STRN3: variants seen among roughly 807,000 people sequenced by gnomAD.
STRN3 encodes striatin 3, also known as striatin-3.
STRN3 carries 29 observed loss-of-function variants against 95.6 expected under a neutral mutation model. The ratio of observed to expected loss-of-function variants is 0.30; its 90% CI spans 0.23 to 0.41. The LOEUF (loss-of-function observed/expected upper bound fraction) is 0.41, where lower values mean the gene tolerates loss of function less well. Among genes scored for constraint, STRN3 ranks in the 10% least tolerant of loss-of-function variants. The pLI, the probability that STRN3 is intolerant of heterozygous loss-of-function variation, is 1.00. For synonymous variants in STRN3, 331 were observed against 357.6 expected (o/e 0.93, Z 0.84); for missense variants, 890 against 972.1 (o/e 0.92, Z 1.12).
At chr14:30,985,395 G>A (rs1594541550) in intron 1 of STRN3, among the ~76,000 whole-genome samples, 1 of 152,158 alleles carries the variant, frequency 6.6e-6, no homozygotes, top group East Asian at 1.9e-4. Flanking sequence ...CCTGAGGTCG[G>A]GAGTTCGAGA....
intron 8 of STRN3, among the ~76,000 whole-genome samples, chr14:30,928,324 C>A (rs1379185608): frequency 6.6e-6 from 1 of 152,140 alleles, no homozygotes; most frequent in Non-Finnish European, 1.5e-5. Flanking sequence ...CAAAGAAACA[C>A]AAAAGAATGT....
At chr14:30,916,277 T>C (rs1325632286) in intron 9 of STRN3, among the ~76,000 whole-genome samples, 2 of 146,222 alleles carry the variant, frequency 1.4e-5, no homozygotes, top group Non-Finnish European at 1.5e-5. Context: ...ACAAGTAGTT[T>C]TTTTGGTTTT....
chr14:30,947,036 A>C (rs1879397231), intron 5 of STRN3, 54 bp downstream of exon 5: 1 of 1,338,752 alleles, frequency 7.5e-7, no homozygotes, highest in East Asian at 2.7e-5. Flanking sequence ...AGAGATTAAC[A>C]ATAACAATAT....
In STRN3 at chr14:30,907,007, T is replaced by C. The variant is rs755837561; in HGVS notation, c.1758A>G (p.Thr586=). The part of the protein sequence containing the change: ...NVLAGTLVGH[T]DAVWGLAYSG... Reference sequence around the variant, plus strand: ...TATAAGCAAGACCCCAAACTGCATCTGTATGACCAACTAAAGTGCCAGCTA... The same window carrying C: ...TATAAGCAAGACCCCAAACTGCATCCGTATGACCAACTAAAGTGCCAGCTA... Residue 586 remains threonine (T), a synonymous_variant, in exon 14 of 18, where the codon ACA becomes ACG. Transcript: ENST00000357479. 12 of 1,613,628 alleles carry C rather than the reference T, an allele frequency of 7.4e-6. No individual in the cohort carries two copies. In the Admixed American group the frequency reaches 2.0e-4, roughly 27 times the overall value.
At chr14:30,928,761 C>G (rs1185956420) in intron 8 of STRN3, among the ~76,000 whole-genome samples, 2 of 152,202 alleles carry the variant, frequency 1.3e-5, no homozygotes, top group East Asian at 3.9e-4. Flanking sequence ...GACCAGAAAG[C>G]AGAAACTACA....
At chr14:30,995,984 C>T (rs1356990940) in intron 1 of STRN3, among the ~76,000 whole-genome samples, 8 of 152,184 alleles carry the variant, frequency 5.3e-5, no homozygotes, top group African/African-American at 1.4e-4. Context: ...CTAGCCCTTA[C>T]GCCCAACTTA....
intron 9 of STRN3, among the ~76,000 whole-genome samples, chr14:30,916,243 T>A (rs2139004066): frequency 6.6e-6 from 1 of 151,990 alleles, no homozygotes; most frequent in East Asian, 1.9e-4. Context: ...CATTAGTAAT[T>A]CAAAGAAAAA....
At chr14:30,913,361 A>G (rs1329730240) in intron 10 of STRN3, among the ~76,000 whole-genome samples, 163 bp downstream of exon 10, 1 of 152,198 alleles carries the variant, frequency 6.6e-6, no homozygotes, top group Non-Finnish European at 1.5e-5. Context: ...AATACCACAA[A>G]GAGAGTAGTT....
intron 1 of STRN3, among the ~76,000 whole-genome samples, chr14:30,970,220 TA>T (rs1880756278): frequency 6.6e-6 from 1 of 152,174 alleles, no homozygotes; most frequent in Non-Finnish European, 1.5e-5. Flanking sequence ...TTCAGAAAAG[TA>T]CCTTGTCCCT....
At chr14:30,925,178 G>T (rs903708257) in intron 8 of STRN3, among the ~76,000 whole-genome samples, 1 of 146,866 alleles carries the variant, frequency 6.8e-6, no homozygotes, top group Non-Finnish European at 1.5e-5. Context: ...GTGGGTCTAC[G>T]TTCCAAGACA....
intron 13 of STRN3, among the ~76,000 whole-genome samples, chr14:30,909,410 GT>G (rs1896552279): frequency 1.4e-5 from 1 of 70,010 alleles, no homozygotes; most frequent in Non-Finnish European, 3.2e-5. Flanking sequence ...GGAGGCGGAG[GT>G]TGCAGTAAGC....
At chr14:31,018,695 G>C in intron 1 of STRN3, 1 of 457,272 alleles carries the variant, frequency 2.2e-6, no homozygotes, top group South Asian at 1.7e-5. Context: ...AATTGAGCTT[G>C]TTGATAAACT....
At chr14:30,944,506 G>A (rs1879248766) in intron 5 of STRN3, among the ~76,000 whole-genome samples, 2 of 140,242 alleles carry the variant, frequency 1.4e-5, no homozygotes. Flanking sequence ...ATATATACAT[G>A]TATATATACA....
chr14:30,971,978 AAAC>A (rs1880853725), intron 1 of STRN3, among the ~76,000 whole-genome samples: 2 of 152,202 alleles, frequency 1.3e-5, no homozygotes, highest in African/African-American at 2.4e-5. Context: ...AAGTCAAGCA[AAAC>A]AACTAAGCCA....
At chr14:30,981,604 A>ACACACACACACC (rs1555323899) in intron 1 of STRN3, among the ~76,000 whole-genome samples, 7 of 151,498 alleles carry the variant, frequency 4.6e-5, no homozygotes, top group South Asian at 2.1e-4. Flanking sequence ...ACACACACAC[A>ACACACACACACC]CACCCCATAA....
intron 1 of STRN3, among the ~76,000 whole-genome samples, chr14:31,022,204 C>T (rs749053875): frequency 3.6e-4 from 55 of 151,988 alleles, no homozygotes; most frequent in Non-Finnish European, 6.8e-4. Context: ...ACGGTGAAAC[C>T]CCATTTCTAC....
chr14:30,982,557 G>A (rs945843796), intron 1 of STRN3, among the ~76,000 whole-genome samples: 4 of 152,202 alleles, frequency 2.6e-5, no homozygotes, highest in Non-Finnish European at 4.4e-5. Context: ...TGATCTGCCC[G>A]TCTCGGCATC....
intron 1 of STRN3, among the ~76,000 whole-genome samples, chr14:31,021,224 G>A (rs554540894): frequency 3.3e-5 from 5 of 152,202 alleles, no homozygotes; most frequent in East Asian, 1.9e-4. Flanking sequence ...AAAACTAAAC[G>A]GAAGTTAGAA....
intron 1 of STRN3, among the ~76,000 whole-genome samples, chr14:30,963,220 C>T (rs1435920778): frequency 6.6e-6 from 1 of 152,080 alleles, no homozygotes; most frequent in African/African-American, 2.4e-5. Flanking sequence ...CAATACCCCA[C>T]TCTAAATAAT....
Sources: allele counts gnomAD v4.1 joint callset (sites outside exome capture counted in the v4.1 genomes callset), GRCh38; gene constraint gnomAD v4.1.1; transcripts MANE v1.5; gene names NCBI Gene and HGNC (gene_info 2026-07-23, HGNC 2026-07-21).